BAZ2B: variants seen among roughly 807,000 people sequenced by gnomAD.
BAZ2B encodes the protein bromodomain adjacent to zinc finger domain protein 2B.
Under a neutral mutation model 246.0 loss-of-function variants are expected in BAZ2B, and 91 were observed. The ratio of observed to expected loss-of-function variants is 0.37; its 90% CI spans 0.31 to 0.44. The LOEUF (loss-of-function observed/expected upper bound fraction) is 0.44, where lower values mean the gene tolerates loss of function less well. Among genes scored for constraint, BAZ2B ranks in the 20% least tolerant of loss-of-function variants. The pLI is 1.00. For synonymous variants in BAZ2B, 855 were observed against 860.0 expected (o/e 0.99, Z 0.10); for missense variants, 2,332 against 2,533.7 (o/e 0.92, Z 1.71).
intron 36 of BAZ2B, among the ~76,000 whole-genome samples, chr2:159,322,859 C>A (rs2062882242): frequency 6.6e-6 from 1 of 152,142 alleles, no homozygotes; most frequent in Non-Finnish European, 1.5e-5. Context: ...GAGCTTGAAT[C>A]CACTGAAATT....
At chr2:159,383,783 A>G (rs1559195427) in intron 23 of BAZ2B, 103 bp from the exon 24 acceptor site, 1 of 959,984 alleles carries the variant, frequency 1.0e-6, no homozygotes, top group African/African-American at 1.7e-5. Flanking sequence ...GCATTTTTGA[A>G]TAAGTAAAAA....
At chr2:159,323,565 G>A (rs1020972946) in intron 36 of BAZ2B, among the ~76,000 whole-genome samples, 2 of 151,980 alleles carry the variant, frequency 1.3e-5, no homozygotes, top group African/African-American at 4.8e-5. Flanking sequence ...CACTTTAGGA[G>A]GTGGAGGTGG....
intron 27 of BAZ2B, among the ~76,000 whole-genome samples, chr2:159,370,907 GC>G (rs371826295): frequency 6.6e-6 from 1 of 152,044 alleles, no homozygotes; most frequent in Non-Finnish European, 1.5e-5. Flanking sequence ...CTGGCTTCAA[GC>G]GATTCTCCTG....
intron 34 of BAZ2B, among the ~76,000 whole-genome samples, chr2:159,332,194 A>C (rs2148905478): frequency 6.6e-6 from 1 of 152,238 alleles, no homozygotes; most frequent in South Asian, 2.1e-4. Flanking sequence ...CTAGTAATTA[A>C]AAAGTTGTTT....
intron 31 of BAZ2B, among the ~76,000 whole-genome samples, chr2:159,341,164 AATGG>A (rs2066630653): frequency 6.6e-6 from 1 of 152,180 alleles, no homozygotes; most frequent in African/African-American, 2.4e-5. Context: ...ACTGAAAGTG[AATGG>A]ATGGATAGAA....
At chr2:159,361,342 A>G (rs898042738) in intron 27 of BAZ2B, among the ~76,000 whole-genome samples, 30 of 152,242 alleles carry the variant, frequency 2.0e-4, no homozygotes, top group African/African-American at 6.8e-4. Context: ...CAACAAACAT[A>G]TGAAAAAAAG....
chr2:159,396,953 G>T, intron 19 of BAZ2B: 1 of 697,998 alleles, frequency 1.4e-6, no homozygotes, highest in Non-Finnish European at 2.1e-6. Flanking sequence ...GTGCTGTAAA[G>T]CCATGCAGCA....
intron 4 of BAZ2B, among the ~76,000 whole-genome samples, chr2:159,452,172 A>G (rs2075182188): frequency 6.6e-6 from 1 of 151,114 alleles, no homozygotes; most frequent in Non-Finnish European, 1.5e-5. Flanking sequence ...GAATTAAAGA[A>G]GTAATATGAC....
chr2:159,385,285 C>A lies in BAZ2B; in HGVS notation c.3556G>T (p.Ala1186Ser), dbSNP rs750856907. The A allele has an allele frequency of 6.2e-7, 1 of 1,613,486 alleles. No homozygotes were observed. Among genetic ancestry groups the A allele is most frequent in the Non-Finnish European group, 8.5e-7 (1 of 1,179,664 alleles). The change falls in exon 23 of 37, where the codon GCC becomes TCC. Residue 1186 changes from alanine (A) to serine (S), a missense_variant. Physicochemically the swap from Ala to Ser is moderately conservative, Grantham distance 99. This residue lies in a region of BAZ2B where 328 missense variants were observed against 410.4 expected (regional missense o/e 0.80). Transcript: ENST00000392783. ...VSEILQIFME[A>S]HCGQTELTES... ...GTAAGCTCAGTTTGTCCACAGTGGG[C>A]TTCCATAAATATCTGTAAAATCTCG...
At chr2:159,632,718 A>G in the BAZ2B span, among the ~76,000 whole-genome samples, 6 of 152,356 alleles carry the variant, frequency 3.9e-5, no homozygotes, top group Non-Finnish European at 8.8e-5. Flanking sequence ...AAAAATTTAC[A>G]TAGTGCAAAT....
the BAZ2B span, among the ~76,000 whole-genome samples, chr2:159,709,182 G>A: frequency 7.9e-4 from 119 of 151,510 alleles, 1 homozygote; most frequent in Non-Finnish European, 2.9e-4. Flanking sequence ...GGCCAGGCGC[G>A]GTGGCTAACG....
intron 1 of BAZ2B, among the ~76,000 whole-genome samples, chr2:159,592,405 T>C (rs1472379836): frequency 3.9e-5 from 6 of 152,234 alleles, no homozygotes; most frequent in Admixed American, 3.9e-4. Context: ...CTGCCTCAGC[T>C]TCCCAGTGCT....
chr2:159,578,579 T>C (rs1391116896), intron 1 of BAZ2B, among the ~76,000 whole-genome samples: 1 of 152,178 alleles, frequency 6.6e-6, no homozygotes, highest in South Asian at 2.1e-4. Context: ...GCAGACCTAA[T>C]AGACATCTAC....
intron 27 of BAZ2B, among the ~76,000 whole-genome samples, chr2:159,356,109 C>T (rs1469953374): frequency 1.3e-5 from 2 of 152,260 alleles, no homozygotes; most frequent in East Asian, 3.9e-4. Flanking sequence ...TTTCATACCC[C>T]AGTGGTGCCT....
At chr2:159,405,299 C>T (rs1300318265) in intron 14 of BAZ2B, among the ~76,000 whole-genome samples, 185 bp from the exon 15 acceptor site, 2 of 152,078 alleles carry the variant, frequency 1.3e-5, no homozygotes, top group East Asian at 3.9e-4. Context: ...GCAATCTCCG[C>T]CTCCCAGGTT....
chr2:159,650,398 G>A, the BAZ2B span, among the ~76,000 whole-genome samples: 3 of 152,018 alleles, frequency 2.0e-5, no homozygotes, highest in Non-Finnish European at 4.4e-5. Flanking sequence ...CAGAACCACA[G>A]GACCATTTAA....
intron 34 of BAZ2B, among the ~76,000 whole-genome samples, chr2:159,330,123 C>A (rs139903006): frequency 1.3e-5 from 2 of 152,090 alleles, no homozygotes; most frequent in African/African-American, 4.8e-5. Context: ...CCATGTAAGA[C>A]CACTTGCTAT....
intron 13 of BAZ2B, among the ~76,000 whole-genome samples, chr2:159,423,818 C>A (rs1254785553): frequency 1.3e-5 from 2 of 152,140 alleles, no homozygotes; most frequent in Non-Finnish European, 2.9e-5. Flanking sequence ...ATTGAATATC[C>A]ACAAACACAA....
chr2:159,457,275 T>A (rs929513681), intron 3 of BAZ2B, among the ~76,000 whole-genome samples: 2 of 152,232 alleles, frequency 1.3e-5, no homozygotes, highest in Admixed American at 1.3e-4. Context: ...ACTATTTTTA[T>A]ACCATAATGT....
Sources: gnomAD v4.1 joint callset for allele counts (sites outside exome capture counted in the v4.1 genomes callset) on GRCh38, gnomAD v4.1.1 for gene constraint, gnomAD v4.1.1 regional missense constraint, MANE v1.5 for transcripts, NCBI Gene and HGNC (gene_info 2026-07-23, HGNC 2026-07-21) for gene names.